The following NKAIN1 variants were observed in gnomAD, a reference collection of about 807,000 sequenced individuals.
The protein encoded by NKAIN1 is sodium/potassium-transporting ATPase subunit beta-1-interacting protein 1.
A neutral mutation model predicts 31.6 loss-of-function variants in NKAIN1; 13 were observed. The observed-to-expected ratio is 0.41, with a 90% CI of 0.27 to 0.65. The LOEUF (loss-of-function observed/expected upper bound fraction) is 0.65, where lower values mean the gene tolerates loss of function less well. Among genes scored for constraint, NKAIN1 ranks in the 30% least tolerant of loss-of-function variants. NKAIN1 has a pLI of 0.30. For missense variants in NKAIN1, 193 were observed against 262.2 expected, an observed-to-expected ratio of 0.74 and a Z score of 1.82; for synonymous variants, 104 against 109.0, an observed-to-expected ratio of 0.95 and a Z score of 0.28.
intron 1 of NKAIN1, among the ~76,000 whole-genome samples, chr1:31,230,471 G>T (rs116104413): frequency 6.6e-6 from 1 of 152,174 alleles, no homozygotes. Context: ...GGGGCCAGGA[G>T]GCCAATGTAA....
At chr1:31,193,062 T>A (rs1645298329) in intron 1 of NKAIN1, among the ~76,000 whole-genome samples, 3 of 149,302 alleles carry the variant, frequency 2.0e-5, no homozygotes, top group Admixed American at 6.6e-5. Context: ...TTTTATTATT[T>A]ATTTTTTTAT....
intron 1 of NKAIN1, among the ~76,000 whole-genome samples, chr1:31,213,973 C>A (rs1645489884): frequency 6.7e-6 from 1 of 149,274 alleles, no homozygotes; most frequent in Non-Finnish European, 1.5e-5. Context: ...CAGCCTGGAC[C>A]ACAGAGTGAG....
At chr1:31,184,608 A>G (rs1645228418) in intron 3 of NKAIN1, among the ~76,000 whole-genome samples, 1 of 152,142 alleles carries the variant, frequency 6.6e-6, no homozygotes, top group Non-Finnish European at 1.5e-5. Context: ...CTCAGAGAGG[A>G]TCAGCCACTT....
intron 1 of NKAIN1, among the ~76,000 whole-genome samples, chr1:31,205,404 G>A (rs372976703): frequency 1.5e-4 from 23 of 152,006 alleles, no homozygotes; most frequent in Admixed American, 1.1e-3. Context: ...TGCCTTCTGG[G>A]TTCAAGCCGT....
chr1:31,197,915 G>A (rs1482380520), intron 1 of NKAIN1, among the ~76,000 whole-genome samples: 1 of 152,140 alleles, frequency 6.6e-6, no homozygotes, highest in Non-Finnish European at 1.5e-5. Flanking sequence ...GGAGTGCAGT[G>A]GTGTGATCGC....
At position 31,180,473 on chromosome 1, in the gene NKAIN1, T is replaced by A. The variant is rs1384799538; in HGVS notation, c.*1230A>T. On this transcript the variant is annotated 3_prime_UTR_variant, in exon 7 of 7. Coordinates refer to ENST00000373736, the MANE Select transcript of NKAIN1 (RefSeq NM_024522.3). ...GACTACTCACACCCCCATCTGCCCC[T>A]TCAGAACTCCTTCTGGGCTTGTTAG... is the stretch of plus-strand genomic sequence containing the variant. 2 of 152,358 alleles carry A rather than the reference T, an allele frequency of 1.3e-5. No homozygotes were observed. The highest frequency in any genetic ancestry group is 1.3e-4 in the Admixed American group (2 of 15,268). The allele number at this position is 152,358 out of a possible 1,614,324, so 9.4% of individuals were successfully genotyped here. A position where few individuals can be genotyped will look rare whatever the true frequency, so the allele number is the denominator to read the frequency against.
chr1:31,225,325 C>CTTTTTT (rs139451212), intron 1 of NKAIN1, among the ~76,000 whole-genome samples: 1,846 of 52,176 alleles, frequency 0.035, 74 homozygotes, highest in Admixed American at 0.078. Flanking sequence ...CATGCCCGGC[C>CTTTTTT]TTTTTTTTTT....
intron 1 of NKAIN1, among the ~76,000 whole-genome samples, chr1:31,229,911 G>A (rs1569585627): frequency 6.6e-6 from 1 of 152,158 alleles, no homozygotes; most frequent in African/African-American, 2.4e-5. Context: ...GCCCAAAGAG[G>A]CCACGCCTTC....
At position 31,185,242 on chromosome 1, in the gene NKAIN1, C is replaced by T; in HGVS notation, c.273+5G>A. The T allele has an allele frequency of 6.2e-7, 1 of 1,605,008 alleles. No individual in the cohort carries two copies. The highest frequency in any genetic ancestry group is 8.5e-7 in the Non-Finnish European group (1 of 1,175,302). On this transcript the variant is annotated splice_donor_5th_base_variant and intron_variant, in intron 3 of 6. Transcript: ENST00000373736. Reference sequence around the variant, plus strand: ...CCCTATGGCACTGCCAGGTCTGAGGCTTACCTGGGACAGCTGTCCAACCTC... The same window carrying T: ...CCCTATGGCACTGCCAGGTCTGAGGTTTACCTGGGACAGCTGTCCAACCTC...
intron 1 of NKAIN1, among the ~76,000 whole-genome samples, chr1:31,214,937 G>A (rs916436510): frequency 4.6e-5 from 7 of 152,196 alleles, no homozygotes; most frequent in Admixed American, 2.6e-4. Context: ...TAAGCCCTCC[G>A]GGCGCCCCCT....
At chr1:31,198,218 G>C (rs547502754) in intron 1 of NKAIN1, among the ~76,000 whole-genome samples, 5 of 152,218 alleles carry the variant, frequency 3.3e-5, no homozygotes, top group South Asian at 2.1e-4. Context: ...CCCCATTCTA[G>C]AGCAGCAGGC....
chr1:31,222,585 G>C (rs1287093554), intron 1 of NKAIN1, among the ~76,000 whole-genome samples: 1 of 152,192 alleles, frequency 6.6e-6, no homozygotes, highest in Non-Finnish European at 1.5e-5. Context: ...AGAGGAAGAG[G>C]AACAGGAGGA....
At position 31,188,123 on chromosome 1, in the gene NKAIN1, T is replaced by C. The variant is rs1570450996; in HGVS notation, c.119A>G (p.Asn40Ser). Residue 40 changes from asparagine to serine, a missense_variant, in exon 2 of 7, where the codon AAC becomes AGC. Asn to Ser is a conservative substitution (Grantham distance 46). Coordinates refer to ENST00000373736, the MANE Select transcript of NKAIN1 (RefSeq NM_024522.3). The stretch of plus-strand genomic sequence containing the variant: ...GATGACTGCCATGATGTGCAGGAAG[T>C]TGGCTAGGATGGGAGCCCACTGGTA... ...LGYQWAPILA[N>S]FLHIMAVILG... The C allele has an allele frequency of 6.4e-7, 1 of 1,552,368 alleles. No homozygotes were observed. The highest frequency in any genetic ancestry group is 1.2e-5 in the South Asian group (1 of 84,082).
In NKAIN1 at chr1:31,206,972, T is replaced by C. The variant is rs183577067; in HGVS notation, c.55-18785A>G. On this transcript the variant is annotated intron_variant, in intron 1 of 6. Coordinates refer to ENST00000373736, the MANE Select transcript of NKAIN1 (RefSeq NM_024522.3). ...CTGGTCTTGAATTCCCAACCTCAAG[T>C]GATCCGCACGCCTCAGCCTCCCAAA... 7.2e-3 allele frequency among the ~76,000 whole-genome samples: 1,099 copies of C among 152,252 alleles called. 9 individuals are homozygous for C. The highest frequency in any genetic ancestry group is 0.01 in the Non-Finnish European group (699 of 68,020).
At chr1:31,200,458 C>CT (rs3081712) in intron 1 of NKAIN1, among the ~76,000 whole-genome samples, 67,485 of 121,862 alleles carry the variant, frequency 0.55, 22,195 homozygotes, top group Middle Eastern at 0.82. Flanking sequence ...TCTCCTCTCT[C>CT]TTTTTTTTTT....
At chr1:31,207,982 A>G (rs1645437070) in intron 1 of NKAIN1, among the ~76,000 whole-genome samples, 2 of 151,530 alleles carry the variant, frequency 1.3e-5, no homozygotes, top group Admixed American at 6.6e-5. Context: ...GTCTGCCACC[A>G]CCCCAGGTTT....
intron 1 of NKAIN1, among the ~76,000 whole-genome samples, chr1:31,226,893 G>C (rs570887470): frequency 6.6e-6 from 1 of 152,008 alleles, no homozygotes; most frequent in South Asian, 2.1e-4. Context: ...TTGCAATCTC[G>C]TCTCACTGCA....
intron 1 of NKAIN1, among the ~76,000 whole-genome samples, chr1:31,225,622 C>T (rs1236661260): frequency 1.3e-5 from 2 of 152,136 alleles, no homozygotes; most frequent in African/African-American, 4.8e-5. Flanking sequence ...GCCACCACGC[C>T]TCACAGTCCA....
chr1:31,196,483 A>G (rs1389575470), intron 1 of NKAIN1, among the ~76,000 whole-genome samples: 1 of 134,348 alleles, frequency 7.4e-6, no homozygotes, highest in Non-Finnish European at 1.6e-5. Context: ...ACTGCACTCC[A>G]GCCTGGGCAA....
Sources: allele counts gnomAD v4.1 joint callset (sites outside exome capture counted in the v4.1 genomes callset), GRCh38; gene constraint gnomAD v4.1.1; transcripts MANE v1.5; gene names NCBI Gene and HGNC (gene_info 2026-07-23, HGNC 2026-07-21).